Variants in MAST4 observed in about 807,000 individuals in gnomAD.
MAST4 encodes the protein microtubule-associated serine/threonine-protein kinase 4.
MAST4 carries 89 observed loss-of-function variants against 162.7 expected under a neutral mutation model. The ratio of observed to expected loss-of-function variants is 0.55; its 90% CI spans 0.46 to 0.65. The LOEUF is 0.65. Ranked by LOEUF, MAST4 falls within the 30% of genes least tolerant of loss-of-function variation. The pLI is 0.00. For synonymous variants in MAST4, 1,479 were observed against 1,361.1 expected (o/e 1.09, Z -1.91); for missense variants, 3,153 against 3,374.0 (o/e 0.93, Z 1.62).
chr5:67,036,078 G>C (rs892009250), intron 4 of MAST4, among the ~76,000 whole-genome samples: 18 of 151,966 alleles, frequency 1.2e-4, no homozygotes, highest in African/African-American at 4.3e-4. Context: ...GGACCAAAAC[G>C]CATTAAATAC....
At chr5:66,784,354 T>C (rs1171823143) in intron 2 of MAST4, among the ~76,000 whole-genome samples, 3 of 152,148 alleles carry the variant, frequency 2.0e-5, no homozygotes, top group African/African-American at 7.2e-5. Flanking sequence ...CATATACCTA[T>C]CAGCCAGCTT....
intron 4 of MAST4, among the ~76,000 whole-genome samples, chr5:66,947,196 G>C (rs1744134267): frequency 6.6e-6 from 1 of 151,872 alleles, no homozygotes; most frequent in African/African-American, 2.4e-5. Context: ...TGTTGTTTCT[G>C]CCCTAGAAGA....
chr5:66,800,656 C>T, intron 3 of MAST4, among the ~76,000 whole-genome samples: 1 of 151,998 alleles, frequency 6.6e-6, no homozygotes, highest in East Asian at 1.9e-4. Flanking sequence ...ACAGGTTTAC[C>T]TATGTAACAA....
chr5:66,704,341 A>AAATCAGTT (rs1209963777), intron 1 of MAST4, among the ~76,000 whole-genome samples: 1 of 152,158 alleles, frequency 6.6e-6, no homozygotes, highest in African/African-American at 2.4e-5. Context: ...GGGTGCATAT[A>AAATCAGTT]AATCAGTTAA....
Position 66,870,813 on chromosome 5 carries a change from C to G in MAST4, c.643-29138C>G, listed in dbSNP as rs1479506500. The stretch of plus-strand genomic sequence containing the variant: ...CTCCGAAGAGCCATTTCAACTCAGC[C>G]CGACATCGCCAGAGACTAGTGGACC... On this transcript the variant is annotated intron_variant, in intron 3 of 28. Transcript: ENST00000403625. The G allele has an allele frequency of 2.3e-5, 11 of 471,470 alleles. No homozygotes were observed. The Admixed American group carries it at 2.6e-4, about 11-fold the overall frequency. 29.2% of individuals were successfully genotyped at this position (471,470 alleles called of 1,614,324 possible). A position where few individuals can be genotyped will look rare whatever the true frequency, so the allele number is the denominator to read the frequency against.
chr5:66,704,616 T>C lies in MAST4; in HGVS notation c.364-55093T>C, dbSNP rs1158135523. ...CCCGGGTTCACGCCATTCTCCCGCC[T>C]CAGCCTCCTGAGCAGCTGGTACTAC... On this transcript the variant is annotated intron_variant, in intron 1 of 28. Coordinates refer to ENST00000403625, the MANE Select transcript of MAST4 (RefSeq NM_001164664.2). 2.1e-5 allele frequency among the ~76,000 whole-genome samples: 3 copies of C among 145,114 alleles called. No individual in the cohort carries two copies. The Admixed American group carries it at 2.1e-4, about 10-fold the overall frequency.
At chr5:66,884,027 T>A in intron 3 of MAST4, among the ~76,000 whole-genome samples, 1 of 152,232 alleles carries the variant, frequency 6.6e-6, no homozygotes, top group South Asian at 2.1e-4. Context: ...AGTTACTAAG[T>A]ACAATAGCTG....
chr5:67,100,620 C>G, intron 8 of MAST4, 28 bp downstream of exon 8: 2 of 1,613,076 alleles, frequency 1.2e-6, no homozygotes, highest in Non-Finnish European at 1.7e-6. Context: ...AAAACCATTA[C>G]TTAGTTGGAT....
chr5:66,672,351 T>C (rs1431419043), intron 1 of MAST4, among the ~76,000 whole-genome samples: 1 of 152,206 alleles, frequency 6.6e-6, no homozygotes, highest in Non-Finnish European at 1.5e-5. Context: ...TTTCCTTTTA[T>C]CCCATAGTCA....
chr5:66,741,555 G>T (rs993451262), intron 1 of MAST4, among the ~76,000 whole-genome samples: 2 of 152,078 alleles, frequency 1.3e-5, no homozygotes, highest in African/African-American at 4.8e-5. Context: ...AATTTTATTT[G>T]GCACACAGGC....
At chr5:66,886,714 A>C (rs1388015411) in intron 3 of MAST4, among the ~76,000 whole-genome samples, 2 of 149,800 alleles carry the variant, frequency 1.3e-5, no homozygotes, top group East Asian at 3.9e-4. Context: ...TCAAAAGAAG[A>C]ACTTGGTTAG....
At chr5:66,968,859 A>C (rs190623658) in intron 4 of MAST4, among the ~76,000 whole-genome samples, 296 of 152,336 alleles carry the variant, frequency 1.9e-3, no homozygotes, top group African/African-American at 6.8e-3. Context: ...AGCTTATATT[A>C]ACAGATATGC....
rs772713381 is a variant in MAST4 at position 67,165,294 on chromosome 5, G to C, written c.6115G>C (p.Gly2039Arg). The change falls in exon 29 of 29, where the codon GGT becomes CGT. Residue 2039 changes from glycine to arginine, a missense_variant. Physicochemically the swap from Gly to Arg is moderately radical, Grantham distance 125. Coordinates refer to ENST00000403625, the MANE Select transcript of MAST4 (RefSeq NM_001164664.2). Reference sequence around the variant, plus strand: ...GGCCATGGAGAAAGCATGGGCGCCGGGTGGGAAAACGAACCACAAAGATGG... The same window carrying C: ...GGCCATGGAGAAAGCATGGGCGCCGCGTGGGAAAACGAACCACAAAGATGG... ...TQAMEKAWAP[G>R]GKTNHKDGPG... 102 of 1,613,342 alleles carry C rather than the reference G, an allele frequency of 6.3e-5. No homozygotes were observed. The highest frequency in any genetic ancestry group is 8.2e-5 in the Non-Finnish European group (97 of 1,179,888).
rs779408471 is a variant in MAST4, at chr5:67,165,699, T to C, written c.6520T>C (p.Ser2174Pro). 3 of 1,579,778 alleles carry C rather than the reference T, an allele frequency of 1.9e-6. No individual in the cohort carries two copies. Among genetic ancestry groups the C allele is most frequent in the East Asian group, 2.4e-5 (1 of 42,424 alleles). The change falls in exon 29 of 29, where the codon TCG becomes CCG. Residue 2174 changes from serine (S) to proline (P), a missense_variant. Physicochemically the swap from Ser to Pro is moderately conservative, Grantham distance 74 (BLOSUM62 -1). Transcript: ENST00000403625. The part of the protein sequence containing the change: ...GAKPSTAEPS[S>P]SPQDPPKPVA... ...CAAGCCCAGCACTGCAGAGCCCAGC[T>C]CGAGCCCCCAGGACCCTCCCAAGCC...
chr5:66,662,887 C>T (rs1000587876), intron 1 of MAST4: 2 of 152,224 alleles, frequency 1.3e-5, no homozygotes, highest in African/African-American at 4.8e-5. Context: ...GTTACCCAGG[C>T]TGGAGTGCAG....
At chr5:66,724,165 G>A (rs561190108) in intron 1 of MAST4, among the ~76,000 whole-genome samples, 1 of 152,250 alleles carries the variant, frequency 6.6e-6, no homozygotes, top group African/African-American at 2.4e-5. Flanking sequence ...TTTCTTCCTA[G>A]CAGAGGAAAG....
At chr5:66,976,826 C>T (rs2150221934) in intron 4 of MAST4, among the ~76,000 whole-genome samples, 1 of 152,276 alleles carries the variant, frequency 6.6e-6, no homozygotes, top group Non-Finnish European at 1.5e-5. Context: ...TCCTATTTAG[C>T]TCAGTTTGAG....
At chr5:66,812,929 T>C (rs934776779) in intron 3 of MAST4, among the ~76,000 whole-genome samples, 2 of 152,196 alleles carry the variant, frequency 1.3e-5, no homozygotes, top group African/African-American at 4.8e-5. Context: ...TTAGTGCTGA[T>C]AAGAAGCAGC....
intron 27 of MAST4, among the ~76,000 whole-genome samples, chr5:67,161,701 T>C (rs1773200956): frequency 1.3e-5 from 2 of 152,372 alleles, no homozygotes; most frequent in South Asian, 4.1e-4. Context: ...TTTCATTGTA[T>C]GTTTATAGAA....
Sources: gnomAD v4.1 joint callset for allele counts (sites outside exome capture counted in the v4.1 genomes callset) on GRCh38, gnomAD v4.1.1 for gene constraint, MANE v1.5 for transcripts, NCBI Gene and HGNC (gene_info 2026-07-23, HGNC 2026-07-21) for gene names.